The following MINDY4 variants were observed in gnomAD, a reference collection of about 807,000 sequenced individuals.
MINDY4 encodes the protein probable ubiquitin carboxyl-terminal hydrolase MINDY-4.
In MINDY4, 68 loss-of-function variants were observed where a neutral mutation model predicts 87.0. That is an observed-to-expected ratio of 0.78 (90% CI 0.64 to 0.96). The LOEUF is 0.96. Ranked by LOEUF, MINDY4 falls within the 40% of genes least tolerant of loss-of-function variation. MINDY4 has a pLI of 0.00. For synonymous variants in MINDY4, 379 were observed against 363.2 expected (o/e 1.04, Z -0.50); for missense variants, 919 against 928.2 (o/e 0.99, Z 0.13).
At position 30,882,319 on chromosome 7, in the gene MINDY4, G is replaced by T. The variant is rs761319754; in HGVS notation, c.2110G>T (p.Asp704Tyr). The T allele has an allele frequency of 6.2e-7, 1 of 1,610,616 alleles. No homozygotes were observed. Among genetic ancestry groups the T allele is most frequent in the Non-Finnish European group, 8.5e-7 (1 of 1,177,266 alleles). The change falls in exon 16 of 18, where the codon GAT becomes TAT. Residue 704 changes from aspartate to tyrosine, a missense_variant. Physicochemically the swap from Asp to Tyr is radical, Grantham distance 160 (BLOSUM62 -3). Transcript: ENST00000265299. The part of the protein sequence containing the change: ...TERLFDLYYY[D>Y]GLANQQEQIR... ...GAGGCTCTTTGACTTGTACTACTAC[G>T]ATGGCCTGGCCAACCAGCAGGAGCA...
intron 3 of MINDY4, among the ~76,000 whole-genome samples, chr7:30,783,488 A>C (rs1787064505): frequency 6.6e-6 from 1 of 152,234 alleles, no homozygotes; most frequent in South Asian, 2.1e-4. Flanking sequence ...TGGAACACTA[A>C]GCATGAGGGA....
intron 7 of MINDY4, 78 bp from the exon 8 acceptor site, chr7:30,839,122 T>A: frequency 1.2e-6 from 1 of 866,844 alleles, no homozygotes. Flanking sequence ...GAACAACTTC[T>A]GCAGGAATAT....
At position 30,875,631 on chromosome 7, in the gene MINDY4, T is replaced by C; in HGVS notation, c.1946T>C (p.Leu649Pro). Residue 649 changes from leucine to proline, a missense_variant, in exon 15 of 18, where the codon CTC (leucine) becomes CCC (proline). By Grantham distance (98) the Leu-to-Pro change is moderately conservative. Coordinates refer to ENST00000265299, the MANE Select transcript of MINDY4 (RefSeq NM_032222.3). The part of the protein sequence containing the change: ...AARSDIGFLS[L>P]FEHYNMCQVG... ...CGCAGTGATATTGGCTTCTTATCTCTCTTTGAGCATTACAACATGTGCCAG... is the reference window on the plus strand; with the variant it reads ...CGCAGTGATATTGGCTTCTTATCTCCCTTTGAGCATTACAACATGTGCCAG... 6.2e-7 allele frequency: 1 copy of C among 1,612,634 alleles called. No individual in the cohort carries two copies. Among genetic ancestry groups the C allele is most frequent in the Non-Finnish European group, 8.5e-7 (1 of 1,178,958 alleles).
chr7:30,781,899 A>G, intron 2 of MINDY4, 78 bp from the exon 3 acceptor site: 2 of 962,088 alleles, frequency 2.1e-6, no homozygotes, highest in Non-Finnish European at 3.1e-6. Flanking sequence ...TTAGTCAAAG[A>G]AGTGGAATAG....
At chr7:30,819,464 T>A (rs967716534) in intron 5 of MINDY4, among the ~76,000 whole-genome samples, 6 of 152,366 alleles carry the variant, frequency 3.9e-5, no homozygotes, top group African/African-American at 1.4e-4. Flanking sequence ...AATATATTAT[T>A]TAACAGTTGG....
intron 5 of MINDY4, among the ~76,000 whole-genome samples, chr7:30,819,173 G>A (rs1322485152): frequency 1.3e-5 from 2 of 152,108 alleles, no homozygotes; most frequent in Non-Finnish European, 2.9e-5. Context: ...AATAATAGGT[G>A]CCTTTATGCT....
intron 5 of MINDY4, among the ~76,000 whole-genome samples, chr7:30,824,933 G>C (rs1049990413): frequency 1.3e-5 from 2 of 152,066 alleles, no homozygotes; most frequent in Admixed American, 6.5e-5. Context: ...TTGAGTCCTG[G>C]TCCCATGGAG....
intron 4 of MINDY4, among the ~76,000 whole-genome samples, chr7:30,790,124 C>T (rs768907381): frequency 6.6e-6 from 1 of 152,236 alleles, no homozygotes; most frequent in Non-Finnish European, 1.5e-5. Context: ...TAGTGCCTTG[C>T]ACAGGTCTCA....
chr7:30,808,185 A>G (rs1273100727), intron 5 of MINDY4, among the ~76,000 whole-genome samples: 2 of 152,124 alleles, frequency 1.3e-5, no homozygotes, highest in African/African-American at 4.8e-5. Flanking sequence ...CCCGTGGAGG[A>G]TCAATGTGGT....
At chr7:30,879,858 C>T in intron 15 of MINDY4, among the ~76,000 whole-genome samples, 1 of 152,174 alleles carries the variant, frequency 6.6e-6, no homozygotes, top group East Asian at 1.9e-4. Flanking sequence ...CACATTTGAG[C>T]ACTTCTGAAA....
intron 5 of MINDY4, among the ~76,000 whole-genome samples, chr7:30,795,413 G>A (rs1363283446): frequency 3.3e-5 from 5 of 152,166 alleles, no homozygotes; most frequent in Admixed American, 3.3e-4. Flanking sequence ...GAGCAAATGT[G>A]TGCCCTGTCA....
At chr7:30,785,625 T>G (rs1584235604) in intron 3 of MINDY4, 124 bp from the exon 4 acceptor site, 21 of 1,175,810 alleles carry the variant, frequency 1.8e-5, no homozygotes, top group African/African-American at 1.5e-5. Context: ...CACTGGCTGG[T>G]TAGAAGTCAT....
intron 6 of MINDY4, among the ~76,000 whole-genome samples, chr7:30,836,362 G>C (rs1287641453): frequency 1.3e-5 from 2 of 152,174 alleles, no homozygotes; most frequent in Admixed American, 6.5e-5. Flanking sequence ...TCCACTCTAT[G>C]TCCATGCGTG....
At position 30,852,280 on chromosome 7, in the gene MINDY4, G is replaced by A. The variant is rs181624668; in HGVS notation, c.1611+1G>A. 1 of 1,614,130 alleles carries A rather than the reference G, an allele frequency of 6.2e-7. No individual in the cohort carries two copies. Among genetic ancestry groups the A allele is most frequent in the African/African-American group, 1.3e-5 (1 of 75,074 alleles). On this transcript the variant is annotated splice_donor_variant, in intron 11 of 17. Coordinates refer to ENST00000265299, the MANE Select transcript of MINDY4 (RefSeq NM_032222.3). LOFTEE classifies it high-confidence loss of function. ...CAAAGCAGATGGAGTCTTAGAAACA[G>A]TACGACTTTCTGGAAAATTATCACG...
Position 30,832,991 on chromosome 7 carries a change from G to A in MINDY4, c.1133-3667G>A, listed in dbSNP as rs116360995. On this transcript the variant is annotated intron_variant, in intron 6 of 17. Coordinates refer to ENST00000265299, the MANE Select transcript of MINDY4 (RefSeq NM_032222.3). ...GTTCTTGCAAAATCTATACTGTTTT[G>A]TATGCATCATTTTTACTTGACATAG... Among the ~76,000 whole-genome samples the A allele has an allele frequency of 9.5e-3, 1,441 of 151,940 alleles. 23 individuals carry two copies. Among genetic ancestry groups the A allele is most frequent in the African/African-American group, 0.033 (1,366 of 41,420 alleles).
At chr7:30,859,347 TC>T in intron 13 of MINDY4, 23 bp downstream of exon 13, 1 of 1,609,588 alleles carries the variant, frequency 6.2e-7, no homozygotes, top group Non-Finnish European at 8.5e-7. Context: ...CTCCCTCAAC[TC>T]CCTGGGGCTG....
intron 13 of MINDY4, among the ~76,000 whole-genome samples, chr7:30,862,728 C>T (rs1789803779): frequency 6.6e-6 from 1 of 152,208 alleles, no homozygotes. Flanking sequence ...GCACTCACTT[C>T]TTGACCACAA....
At chr7:30,849,544 G>A (rs765830749) in intron 9 of MINDY4, among the ~76,000 whole-genome samples, 28 of 152,200 alleles carry the variant, frequency 1.8e-4, no homozygotes, top group Non-Finnish European at 3.2e-4. Context: ...TCTCTGCCAT[G>A]TTTGATACAG....
intron 6 of MINDY4, among the ~76,000 whole-genome samples, chr7:30,830,256 T>A (rs1788658963): frequency 6.6e-6 from 1 of 152,170 alleles, no homozygotes. Context: ...AAAGGTGGCC[T>A]TGCCTTTTTG....
Sources: gnomAD v4.1 joint callset for allele counts (sites outside exome capture counted in the v4.1 genomes callset) on GRCh38, gnomAD v4.1.1 for gene constraint, MANE v1.5 for transcripts, NCBI Gene and HGNC (gene_info 2026-07-23, HGNC 2026-07-21) for gene names.